DGKI: variants seen among roughly 807,000 people sequenced by gnomAD.
DGKI encodes diacylglycerol kinase iota.
In DGKI, 55 loss-of-function variants were observed where a neutral mutation model predicts 147.5. That is an observed-to-expected ratio of 0.37 (90% CI 0.30 to 0.47). The LOEUF (loss-of-function observed/expected upper bound fraction) is 0.47. DGKI is among the 20% of genes least tolerant of loss of function. The pLI, the probability that DGKI is intolerant of heterozygous loss-of-function variation, is 1.00. For missense variants in DGKI, 1,007 were observed against 1,323.8 expected, an observed-to-expected ratio of 0.76 and a Z score of 3.71; for synonymous variants, 469 against 477.1, an observed-to-expected ratio of 0.98 and a Z score of 0.22.
intron 27 of DGKI, among the ~76,000 whole-genome samples, chr7:137,444,919 T>C (rs1188466217): frequency 6.6e-6 from 1 of 152,154 alleles, no homozygotes; most frequent in Non-Finnish European, 1.5e-5. Flanking sequence ...GAGAGACATA[T>C]AACATTATAT....
chr7:137,412,240 T>A (rs1425507309), intron 28 of DGKI, 33 bp from the exon 29 acceptor site: 2 of 1,591,844 alleles, frequency 1.3e-6, no homozygotes, highest in Non-Finnish European at 1.7e-6. Context: ...GTCCCATTAG[T>A]AGAAGACCCT....
chr7:137,637,980 A>G (rs1056609527), intron 6 of DGKI, among the ~76,000 whole-genome samples: 1 of 152,166 alleles, frequency 6.6e-6, no homozygotes, highest in East Asian at 1.9e-4. Context: ...AAGAAAGGCA[A>G]TTTGGAAAGG....
intron 29 of DGKI, among the ~76,000 whole-genome samples, chr7:137,411,961 C>T (rs756336654): frequency 2.0e-5 from 3 of 152,162 alleles, no homozygotes; most frequent in Non-Finnish European, 4.4e-5. Flanking sequence ...TGGGGACATG[C>T]AGTTCATTTT....
At chr7:137,539,918 A>G (rs1257715946) in intron 20 of DGKI, among the ~76,000 whole-genome samples, 1 of 152,216 alleles carries the variant, frequency 6.6e-6, no homozygotes. Flanking sequence ...CTTGTACTGC[A>G]GACCTCACAG....
At chr7:137,451,792 C>G (rs1485943669) in intron 27 of DGKI, among the ~76,000 whole-genome samples, 2 of 152,120 alleles carry the variant, frequency 1.3e-5, no homozygotes, top group Non-Finnish European at 2.9e-5. Flanking sequence ...AATACAATAT[C>G]CTTTTCATTT....
At chr7:137,401,153 AC>A (rs1367419630) in intron 30 of DGKI, among the ~76,000 whole-genome samples, 2 of 152,216 alleles carry the variant, frequency 1.3e-5, no homozygotes, top group African/African-American at 4.8e-5. Flanking sequence ...TAGTGTAGAA[AC>A]AATAACACCT....
intron 6 of DGKI, among the ~76,000 whole-genome samples, chr7:137,623,914 A>G (rs1820841884): frequency 6.6e-6 from 1 of 152,200 alleles, no homozygotes; most frequent in Admixed American, 6.5e-5. Flanking sequence ...GGTCTTGTCT[A>G]ACAATAATCA....
chr7:137,604,777 G>A (rs757310651), intron 10 of DGKI, among the ~76,000 whole-genome samples: 15 of 152,166 alleles, frequency 9.9e-5, no homozygotes, highest in Non-Finnish European at 1.6e-4. Flanking sequence ...GAGAACGTGA[G>A]GGAGAGACAG....
chr7:137,585,359 A>T lies in DGKI; in HGVS notation c.1426-13T>A. The T allele has an allele frequency of 6.2e-7, 1 of 1,613,548 alleles. No homozygotes were observed. Among genetic ancestry groups the T allele is most frequent in the Non-Finnish European group, 8.5e-7 (1 of 1,179,764 alleles). On this transcript the variant is annotated splice_polypyrimidine_tract_variant and intron_variant, in intron 13 of 32. Coordinates refer to ENST00000614521, the MANE Select transcript of DGKI (RefSeq NM_001321708.2). The stretch of plus-strand genomic sequence containing the variant: ...CATCAGTGTAGCCCTGAGGAATCAG[A>T]GAACATATCCATTGCTGTCCAGAGT...
chr7:137,590,179 TA>T (rs1205504766), intron 12 of DGKI, among the ~76,000 whole-genome samples: 1 of 152,070 alleles, frequency 6.6e-6, no homozygotes, highest in African/African-American at 2.4e-5. Context: ...AATGGAGAAA[TA>T]AAAGTGTGTG....
At chr7:137,483,238 G>A (rs1528099) in intron 23 of DGKI, among the ~76,000 whole-genome samples, 19,296 of 151,852 alleles carry the variant, frequency 0.13, 1,553 homozygotes, top group African/African-American at 0.23. Flanking sequence ...TGACTACATC[G>A]TATAAGCCAG....
intron 1 of DGKI, among the ~76,000 whole-genome samples, chr7:137,837,547 G>A (rs1050274196): frequency 3.9e-5 from 6 of 152,170 alleles, no homozygotes; most frequent in African/African-American, 1.4e-4. Flanking sequence ...CTAGAAGGTG[G>A]GGCCACTGGG....
At chr7:137,783,232 A>G (rs1796573908) in intron 1 of DGKI, among the ~76,000 whole-genome samples, 1 of 152,188 alleles carries the variant, frequency 6.6e-6, no homozygotes, top group African/African-American at 2.4e-5. Flanking sequence ...CAAAAACGTG[A>G]TACAGGATAT....
chr7:137,812,127 G>A (rs1797609780), intron 1 of DGKI, among the ~76,000 whole-genome samples: 1 of 152,138 alleles, frequency 6.6e-6, no homozygotes, highest in Non-Finnish European at 1.5e-5. Context: ...ATTCCCTCGG[G>A]CTTCCTGTTT....
At chr7:137,804,039 A>G (rs1015985641) in intron 1 of DGKI, among the ~76,000 whole-genome samples, 1 of 152,226 alleles carries the variant, frequency 6.6e-6, no homozygotes, top group African/African-American at 2.4e-5. Flanking sequence ...GACAACCAGC[A>G]AACACTGAGC....
chr7:137,487,396 C>T (rs113771852), intron 22 of DGKI, among the ~76,000 whole-genome samples: 105 of 152,206 alleles, frequency 6.9e-4, no homozygotes, highest in African/African-American at 1.7e-3. Flanking sequence ...GGCAACAGCA[C>T]CCTGTAGTCA....
At chr7:137,654,522 C>T (rs1164067751) in intron 5 of DGKI, among the ~76,000 whole-genome samples, 2 of 152,188 alleles carry the variant, frequency 1.3e-5, no homozygotes, top group Non-Finnish European at 1.5e-5. Context: ...TTAAACTCCC[C>T]AGTACATTTT....
At chr7:137,520,419 C>G (rs142056609) in intron 21 of DGKI, among the ~76,000 whole-genome samples, 2 of 152,158 alleles carry the variant, frequency 1.3e-5, no homozygotes, top group East Asian at 3.9e-4. Flanking sequence ...ATGTCTAACA[C>G]TTTATGGATC....
At chr7:137,464,651 C>G (rs1469663824) in intron 26 of DGKI, among the ~76,000 whole-genome samples, 2 of 152,192 alleles carry the variant, frequency 1.3e-5, no homozygotes, top group Non-Finnish European at 2.9e-5. Context: ...TCCACCTAGA[C>G]TTGGTACATA....
Sources: gnomAD v4.1 joint callset for allele counts (sites outside exome capture counted in the v4.1 genomes callset) on GRCh38, gnomAD v4.1.1 for gene constraint, MANE v1.5 for transcripts, NCBI Gene and HGNC (gene_info 2026-07-23, HGNC 2026-07-21) for gene names.